GRID2: variants seen among roughly 807,000 people sequenced by gnomAD.
GRID2 encodes glutamate receptor ionotropic, delta-2.
GRID2 carries 33 observed loss-of-function variants against 114.8 expected under a neutral mutation model. The ratio of observed to expected loss-of-function variants is 0.29; its 90% CI spans 0.22 to 0.38. The LOEUF (loss-of-function observed/expected upper bound fraction) is 0.38, where lower values mean the gene tolerates loss of function less well. GRID2 is among the 10% of genes least tolerant of loss of function. The probability of loss-of-function intolerance (pLI) is 1.00; values close to 1 mark genes in which losing one functional copy is unlikely to be tolerated. For missense variants in GRID2, 1,184 were observed against 1,257.7 expected (o/e 0.94, Z 0.89); for synonymous variants, 505 against 449.9 (o/e 1.12, Z -1.55).
At chr4:93,142,469 G>T (rs768705143) in intron 4 of GRID2, among the ~76,000 whole-genome samples, 1 of 152,042 alleles carries the variant, frequency 6.6e-6, no homozygotes, top group Non-Finnish European at 1.5e-5. Flanking sequence ...GTTCTCTGGA[G>T]TCTCTCTTAT....
At chr4:92,884,501 T>C (rs918739225) in intron 2 of GRID2, among the ~76,000 whole-genome samples, 2 of 152,230 alleles carry the variant, frequency 1.3e-5, no homozygotes, top group Admixed American at 6.5e-5. Context: ...TGCCCTGTCT[T>C]GGCATTCAGC....
intron 14 of GRID2, among the ~76,000 whole-genome samples, chr4:93,738,376 C>T (rs1180013805): frequency 6.6e-6 from 1 of 151,970 alleles, no homozygotes; most frequent in Non-Finnish European, 1.5e-5. Flanking sequence ...GTTTTGTACA[C>T]AGAACAAATT....
At chr4:93,352,822 G>A (rs1760934146) in intron 8 of GRID2, among the ~76,000 whole-genome samples, 1 of 151,972 alleles carries the variant, frequency 6.6e-6, no homozygotes. Context: ...AGAACATGGT[G>A]GGGTACAATG....
intron 2 of GRID2, among the ~76,000 whole-genome samples, chr4:92,669,117 T>A (rs1180601302): frequency 6.6e-6 from 1 of 151,898 alleles, no homozygotes; most frequent in Non-Finnish European, 1.5e-5. Context: ...AAAAAGTCAT[T>A]GAAAAAATGT....
chr4:92,995,062 T>C, intron 2 of GRID2, among the ~76,000 whole-genome samples: 1 of 152,204 alleles, frequency 6.6e-6, no homozygotes, highest in East Asian at 1.9e-4. Context: ...AGGTTTGCCT[T>C]TGCCTTTCTC....
intron 4 of GRID2, among the ~76,000 whole-genome samples, chr4:93,160,643 G>A (rs1222021916): frequency 2.6e-5 from 4 of 151,674 alleles, no homozygotes; most frequent in Admixed American, 1.3e-4. Context: ...ATCCCATTCC[G>A]CTGTCTACAA....
chr4:92,436,305 A>C (rs1208257860), intron 1 of GRID2, among the ~76,000 whole-genome samples: 1 of 152,184 alleles, frequency 6.6e-6, no homozygotes, highest in Non-Finnish European at 1.5e-5. Flanking sequence ...CTTACCAAAA[A>C]TTCAGAGAAT....
In GRID2 at chr4:93,298,700, T is replaced by TC. The variant is rs1246390281; in HGVS notation, c.1245+60214dup. On this transcript the variant is annotated intron_variant, in intron 8 of 15. Transcript: ENST00000282020. ...TTAATCACCATTTCTTGAGGAAGCCTCCCCTTACTGTTCCTCCTCCCTGTC... is the reference window on the plus strand; with the variant it reads ...TTAATCACCATTTCTTGAGGAAGCCTCCCCCTTACTGTTCCTCCTCCCTGTC... Among the ~76,000 whole-genome samples, 3 of 152,352 alleles carry TC rather than the reference T, an allele frequency of 2.0e-5. No homozygotes were observed. In the South Asian group the frequency reaches 6.2e-4, roughly 32 times the overall value.
At chr4:93,161,915 A>G (rs1000670993) in intron 4 of GRID2, among the ~76,000 whole-genome samples, 1 of 151,804 alleles carries the variant, frequency 6.6e-6, no homozygotes, top group Non-Finnish European at 1.5e-5. Context: ...ATCTCATAAA[A>G]TCTGCTGGAA....
chr4:93,723,768 G>A (rs1281579025), intron 14 of GRID2, among the ~76,000 whole-genome samples: 1 of 152,118 alleles, frequency 6.6e-6, no homozygotes, highest in Non-Finnish European at 1.5e-5. Flanking sequence ...TCACTTTGAG[G>A]TAACCAAGCC....
At chr4:93,284,641 T>C (rs1368778194) in intron 8 of GRID2, among the ~76,000 whole-genome samples, 7 of 151,904 alleles carry the variant, frequency 4.6e-5, no homozygotes, top group African/African-American at 1.2e-4. Context: ...GCATGAAATC[T>C]TGGAGTCTAT....
intron 1 of GRID2, among the ~76,000 whole-genome samples, chr4:92,361,440 G>A (rs1369106284): frequency 6.6e-6 from 1 of 151,978 alleles, no homozygotes. Flanking sequence ...CAGAACAAAA[G>A]TTCTGGAAAG....
intron 1 of GRID2, among the ~76,000 whole-genome samples, chr4:92,336,989 T>C (rs1259815262): frequency 6.7e-6 from 1 of 148,368 alleles, no homozygotes; most frequent in Non-Finnish European, 1.5e-5. Context: ...GAATTTTGCT[T>C]ATACTTCACA....
chr4:93,357,743 G>A (rs990671579), intron 8 of GRID2, among the ~76,000 whole-genome samples: 13 of 151,610 alleles, frequency 8.6e-5, no homozygotes, highest in Non-Finnish European at 1.5e-4. Flanking sequence ...TATGTTTGAT[G>A]TAGGTGTGAA....
At chr4:92,645,777 A>G (rs1731583800) in intron 2 of GRID2, among the ~76,000 whole-genome samples, 1 of 151,606 alleles carries the variant, frequency 6.6e-6, no homozygotes, top group African/African-American at 2.4e-5. Flanking sequence ...AGACTTTCCC[A>G]TGTTTTAAAA....
rs115392179 is a variant in GRID2 at position 92,797,496 on chromosome 4, G to A, written c.244+207210G>A. Reference sequence around the variant, plus strand: ...TTCTTTGGACTGCAAATAGCACCATGTGCTAAATGTATGCACATGTTTTGC... The same window carrying A: ...TTCTTTGGACTGCAAATAGCACCATATGCTAAATGTATGCACATGTTTTGC... On this transcript the variant is annotated intron_variant, in intron 2 of 15. Coordinates refer to ENST00000282020, the MANE Select transcript of GRID2 (RefSeq NM_001510.4). 5.2e-3 allele frequency among the ~76,000 whole-genome samples: 783 copies of A among 151,944 alleles called. 4 individuals are homozygous for A. Among genetic ancestry groups the A allele is most frequent in the African/African-American group, 0.018 (749 of 41,478 alleles).
intron 11 of GRID2, among the ~76,000 whole-genome samples, chr4:93,481,955 G>A (rs937374402): frequency 6.6e-6 from 1 of 151,722 alleles, no homozygotes; most frequent in Non-Finnish European, 1.5e-5. Context: ...ATTACAGAAG[G>A]GTTTATATTA....
intron 2 of GRID2, among the ~76,000 whole-genome samples, chr4:92,615,305 G>A (rs185411062): frequency 1.2e-3 from 177 of 151,556 alleles, no homozygotes; most frequent in African/African-American, 4.1e-3. Flanking sequence ...CCCATCATGA[G>A]GGCTCTGCCT....
At chr4:92,951,224 A>G (rs905692718) in intron 2 of GRID2, among the ~76,000 whole-genome samples, 1 of 152,130 alleles carries the variant, frequency 6.6e-6, no homozygotes, top group Non-Finnish European at 1.5e-5. Flanking sequence ...ATTTTAAATG[A>G]GCCTTAAGTT....
Sources: gnomAD v4.1 joint callset for allele counts (sites outside exome capture counted in the v4.1 genomes callset) on GRCh38, gnomAD v4.1.1 for gene constraint, MANE v1.5 for transcripts, NCBI Gene and HGNC (gene_info 2026-07-23, HGNC 2026-07-21) for gene names.